The following ADGRB3 variants were observed in gnomAD, a reference collection of about 807,000 sequenced individuals.
The protein encoded by ADGRB3 is brain-specific angiogenesis inhibitor 3.
In ADGRB3, 37 loss-of-function variants were observed where a neutral mutation model predicts 193.4. That is an observed-to-expected ratio of 0.19 (90% CI 0.15 to 0.25). ADGRB3 has a LOEUF of 0.25. Ranked by LOEUF, ADGRB3 falls within the 10% of genes least tolerant of loss-of-function variation. ADGRB3 has a pLI of 1.00. For synonymous variants in ADGRB3, 690 were observed against 644.2 expected, an observed-to-expected ratio of 1.07 and a Z score of -1.08; for missense variants, 1,637 against 1,852.9, an observed-to-expected ratio of 0.88 and a Z score of 2.14.
At chr6:69,031,076 CT>C (rs1466267837) in intron 13 of ADGRB3, among the ~76,000 whole-genome samples, 9 of 67,582 alleles carry the variant, frequency 1.3e-4, no homozygotes, top group Non-Finnish European at 2.4e-4. Context: ...CTTCTCTTCT[CT>C]TCTCTTCTCT....
Position 68,639,167 on chromosome 6 carries a change from C to A in ADGRB3, c.492C>A (p.Ser164Arg). The A allele has an allele frequency of 1.2e-6, 2 of 1,614,104 alleles. No homozygotes were observed. Among genetic ancestry groups the A allele is most frequent in the Non-Finnish European group, 1.7e-6 (2 of 1,180,026 alleles). ...TGGTATTGAACAAGGTCAGCCCAAG[C>A]CAGTTTGGTTGCCATGTATTATGTA... ...EFLVLNKVSP[S>R]QFGCHVLCTW... Residue 164 changes from serine (S) to arginine (R), a missense_variant, in exon 3 of 32, where the codon AGC becomes AGA. Ser to Arg is a moderately radical substitution (Grantham distance 110, BLOSUM62 -1). This residue lies in a region of ADGRB3 where 365 missense variants were observed against 409.8 expected (regional missense o/e 0.89). Transcript: ENST00000370598.
intron 3 of ADGRB3, among the ~76,000 whole-genome samples, chr6:68,763,034 C>T (rs896955940): frequency 6.6e-6 from 1 of 152,144 alleles, no homozygotes; most frequent in Non-Finnish European, 1.5e-5. Flanking sequence ...AATACTATAA[C>T]AACTAGTTGA....
intron 3 of ADGRB3, among the ~76,000 whole-genome samples, chr6:68,641,569 A>G (rs1328509619): frequency 6.6e-6 from 1 of 152,202 alleles, no homozygotes; most frequent in African/African-American, 2.4e-5. Flanking sequence ...GGAACAACAT[A>G]TGCTATGTCA....
chr6:68,889,774 T>C (rs1034635114), intron 3 of ADGRB3, among the ~76,000 whole-genome samples: 1 of 152,124 alleles, frequency 6.6e-6, no homozygotes, highest in Non-Finnish European at 1.5e-5. Flanking sequence ...AGTGCTGGGA[T>C]TACAGGCGTG....
At chr6:69,052,830 A>G (rs1471443929) in intron 15 of ADGRB3, among the ~76,000 whole-genome samples, 3 of 152,212 alleles carry the variant, frequency 2.0e-5, no homozygotes, top group Non-Finnish European at 1.5e-5. Flanking sequence ...TGAAGTCCAT[A>G]CTAAATATGT....
intron 3 of ADGRB3, among the ~76,000 whole-genome samples, chr6:68,910,672 C>G (rs1462129137): frequency 6.6e-6 from 1 of 152,132 alleles, no homozygotes; most frequent in Non-Finnish European, 1.5e-5. Context: ...AATCCTTTGC[C>G]CATTTCTTGT....
intron 17 of ADGRB3, among the ~76,000 whole-genome samples, chr6:69,110,703 A>G (rs1289985462): frequency 6.6e-6 from 1 of 152,226 alleles, no homozygotes; most frequent in Non-Finnish European, 1.5e-5. Flanking sequence ...TACAAAGCCC[A>G]TCAGAAGCGG....
At chr6:69,334,008 AAATAAAATAAAAAATAT>A (rs1221738973) in intron 24 of ADGRB3, among the ~76,000 whole-genome samples, 1 of 127,096 alleles carries the variant, frequency 7.9e-6, no homozygotes, top group East Asian at 2.3e-4. Flanking sequence ...AAATAAAATA[AAATAAAATAAAAAATAT>A]GTATATATAA....
intron 3 of ADGRB3, among the ~76,000 whole-genome samples, chr6:68,696,553 G>A (rs1162878571): frequency 6.6e-6 from 1 of 151,668 alleles, no homozygotes; most frequent in Non-Finnish European, 1.5e-5. Flanking sequence ...TTCTGACATG[G>A]AGGAAAATGT....
At chr6:68,688,502 A>G (rs1395621175) in intron 3 of ADGRB3, among the ~76,000 whole-genome samples, 1 of 152,180 alleles carries the variant, frequency 6.6e-6, no homozygotes. Context: ...AATATAAAGA[A>G]TCCAAAACTC....
chr6:69,140,718 G>A (rs1323468986), intron 17 of ADGRB3, among the ~76,000 whole-genome samples: 1 of 152,156 alleles, frequency 6.6e-6, no homozygotes, highest in Admixed American at 6.5e-5. Context: ...ACCCTAATGA[G>A]ATTATTACAC....
intron 3 of ADGRB3, among the ~76,000 whole-genome samples, chr6:68,776,982 A>G (rs911794958): frequency 6.6e-6 from 1 of 152,114 alleles, no homozygotes; most frequent in Non-Finnish European, 1.5e-5. Flanking sequence ...AAATGTATAA[A>G]CTATTATACT....
intron 3 of ADGRB3, among the ~76,000 whole-genome samples, chr6:68,890,960 A>C (rs1168746259): frequency 6.6e-6 from 1 of 152,184 alleles, no homozygotes; most frequent in East Asian, 1.9e-4. Flanking sequence ...AAATGTAGGA[A>C]TAGTGTATTA....
At position 69,183,220 on chromosome 6, in the gene ADGRB3, C is replaced by A. The variant is rs545693473; in HGVS notation, c.2481-50070C>A. 4.7e-4 allele frequency among the ~76,000 whole-genome samples: 71 copies of A among 151,968 alleles called. 1 individual carries two copies. Among genetic ancestry groups the A allele is most frequent in the Middle Eastern group, 3.4e-3 (1 of 294 alleles). ...AATTTCTTAGTGTATTTTGAATTGT[C>A]ATATTATAAAAGCTGCTTTACTTCC... On this transcript the variant is annotated intron_variant, in intron 17 of 31. Coordinates refer to ENST00000370598, the MANE Select transcript of ADGRB3 (RefSeq NM_001704.3).
chr6:69,198,983 A>C lies in ADGRB3; in HGVS notation c.2481-34307A>C, dbSNP rs148296388. ...TTGGAGCAAATGATGAGACAGGCAG[A>C]GCAACTGAGCGTGTGGCTAAATGCA... On this transcript the variant is annotated intron_variant, in intron 17 of 31. Transcript: ENST00000370598. Among the ~76,000 whole-genome samples, 84 of 152,258 alleles carry C rather than the reference A, an allele frequency of 5.5e-4. 1 individual carries two copies. The highest frequency in any genetic ancestry group is 1.9e-3 in the African/African-American group (80 of 41,568).
At position 68,720,170 on chromosome 6, in the gene ADGRB3, C is replaced by T. The variant is rs977567467; in HGVS notation, c.757+80738C>T. Among the ~76,000 whole-genome samples the T allele has an allele frequency of 7.9e-5, 12 of 151,760 alleles. No homozygotes were observed. In the South Asian group the frequency reaches 1.9e-3, roughly 24 times the overall value. On this transcript the variant is annotated intron_variant, in intron 3 of 31. Transcript: ENST00000370598. Reference sequence around the variant, plus strand: ...CCTGCTTTGGGGAAGAGAGTAGAGACCTAGCTTGCATATGATGAAATGGAG... The same window carrying T: ...CCTGCTTTGGGGAAGAGAGTAGAGATCTAGCTTGCATATGATGAAATGGAG...
At chr6:68,889,907 TG>T (rs1766024521) in intron 3 of ADGRB3, among the ~76,000 whole-genome samples, 1 of 152,156 alleles carries the variant, frequency 6.6e-6, no homozygotes, top group Non-Finnish European at 1.5e-5. Flanking sequence ...CATATTCCTT[TG>T]TAACTACATA....
chr6:69,073,074 C>T (rs926854022), intron 16 of ADGRB3, among the ~76,000 whole-genome samples: 3 of 152,176 alleles, frequency 2.0e-5, no homozygotes, highest in Non-Finnish European at 2.9e-5. Context: ...GTCCTTTACT[C>T]AGTAAACTAT....
chr6:69,112,767 T>C (rs1020369258), intron 17 of ADGRB3, among the ~76,000 whole-genome samples: 1 of 152,200 alleles, frequency 6.6e-6, no homozygotes, highest in Non-Finnish European at 1.5e-5. Context: ...GAGATAATTT[T>C]TTTTTTTTGA....
Sources: allele counts gnomAD v4.1 joint callset (sites outside exome capture counted in the v4.1 genomes callset), GRCh38; gene constraint gnomAD v4.1.1; regional missense constraint gnomAD v4.1.1; transcripts MANE v1.5; gene names NCBI Gene and HGNC (gene_info 2026-07-23, HGNC 2026-07-21).